PLEKHG7: variants seen among roughly 807,000 people sequenced by gnomAD.
PLEKHG7 encodes pleckstrin homology domain-containing family G member 7.
In PLEKHG7, 77 loss-of-function variants were observed where a neutral mutation model predicts 85.2. That is an observed-to-expected ratio of 0.90 (90% confidence interval 0.75 to 1.09). The LOEUF is 1.09. PLEKHG7 is among the 50% of genes least tolerant of loss of function. PLEKHG7 has a pLI of 0.00. For synonymous variants in PLEKHG7, 301 were observed against 302.4 expected (o/e 1.00, Z 0.05); for missense variants, 777 against 804.3 (o/e 0.97, Z 0.41).
At chr12:92,729,241 C>A (rs1871910996) in intron 4 of PLEKHG7, 121 bp downstream of exon 4, 2 of 1,147,578 alleles carry the variant, frequency 1.7e-6, no homozygotes, top group Non-Finnish European at 2.2e-6. Flanking sequence ...CTGTTACAAT[C>A]AGCCTCACCA....
At chr12:92,756,576 A>G (rs112902729) in intron 13 of PLEKHG7, among the ~76,000 whole-genome samples, 185 bp downstream of exon 13, 2,858 of 152,338 alleles carry the variant, frequency 0.019, 93 homozygotes, top group African/African-American at 0.064. Context: ...CAACATAACT[A>G]GCTAGGTGCT....
At chr12:92,732,181 C>A in intron 4 of PLEKHG7, 52 bp from the exon 5 acceptor site, 1 of 1,096,984 alleles carries the variant, frequency 9.1e-7, no homozygotes, top group South Asian at 4.6e-5. Flanking sequence ...GATGATCTGT[C>A]GCTAGTTACT....
chr12:92,764,960 G>A (rs1370571788), intron 15 of PLEKHG7, among the ~76,000 whole-genome samples: 1 of 152,112 alleles, frequency 6.6e-6, no homozygotes, highest in Admixed American at 6.5e-5. Flanking sequence ...GAGGCTCCTA[G>A]ACCAGCTGAG....
chr12:92,758,343 A>G (rs1027924444), intron 13 of PLEKHG7, among the ~76,000 whole-genome samples: 1 of 152,380 alleles, frequency 6.6e-6, no homozygotes, highest in Admixed American at 6.5e-5. Context: ...ATGATCGACA[A>G]AGTGGATGAA....
intron 8 of PLEKHG7, 69 bp from the exon 9 acceptor site, chr12:92,741,422 G>T (rs1872351485): frequency 2.0e-6 from 2 of 994,896 alleles, no homozygotes; most frequent in African/African-American, 3.3e-5. Flanking sequence ...GATACTTGAA[G>T]TTCAACAAAT....
At position 92,721,702 on chromosome 12, in the gene PLEKHG7, CAAAAAA is replaced by C. The variant is rs71069170; in HGVS notation, c.531-7270_531-7265del. Among the ~76,000 whole-genome samples, 79 of 43,372 alleles carry C rather than the reference CAAAAAA, an allele frequency of 1.8e-3. 1 individual carries two copies. The highest frequency in any genetic ancestry group is 5.5e-3 in the African/African-American group (71 of 12,858). 28.5% of individuals were successfully genotyped at this position (43,372 alleles called of 152,430 possible). A position where few individuals can be genotyped will look rare whatever the true frequency, so the allele number is the denominator to read the frequency against. ...GAACCAGAATAGCCAAGCATAAAACCAAAAAAAAAAAAAAAAAAAAAAAAAAGCATT... is the reference window on the plus strand; with the variant it reads ...GAACCAGAATAGCCAAGCATAAAACCAAAAAAAAAAAAAAAAAAAAGCATT... On this transcript the variant is annotated intron_variant, in intron 3 of 16. Transcript: ENST00000344636.
At chr12:92,750,026 T>TATTTC (rs1429539457) in intron 10 of PLEKHG7, among the ~76,000 whole-genome samples, 1 of 141,788 alleles carries the variant, frequency 7.1e-6, no homozygotes, top group East Asian at 2.1e-4. Flanking sequence ...TATTTTATTT[T>TATTTC]ATTATTTTAT....
At chr12:92,737,006 A>C (rs1044179160) in intron 6 of PLEKHG7, among the ~76,000 whole-genome samples, 5 of 152,174 alleles carry the variant, frequency 3.3e-5, no homozygotes, top group African/African-American at 1.2e-4. Context: ...CTGGAATCAG[A>C]CTTCCCAGTC....
At chr12:92,706,140 T>C (rs773046836) in intron 1 of PLEKHG7, among the ~76,000 whole-genome samples, 1 of 152,214 alleles carries the variant, frequency 6.6e-6, no homozygotes, top group South Asian at 2.1e-4. Context: ...ATTTAATGTA[T>C]ATTTGATTCT....
At chr12:92,731,160 A>G (rs1399905241) in intron 4 of PLEKHG7, among the ~76,000 whole-genome samples, 1 of 152,224 alleles carries the variant, frequency 6.6e-6, no homozygotes, top group Non-Finnish European at 1.5e-5. Context: ...TTGGCCAAGG[A>G]TCAGGGACCC....
intron 9 of PLEKHG7, among the ~76,000 whole-genome samples, chr12:92,742,357 T>G (rs1405124942): frequency 2.0e-5 from 3 of 152,088 alleles, no homozygotes; most frequent in Non-Finnish European, 4.4e-5. Flanking sequence ...AGATAAATGC[T>G]GGGGAAAAGG....
chr12:92,734,613 C>T (rs543857100), intron 5 of PLEKHG7, among the ~76,000 whole-genome samples: 1 of 152,312 alleles, frequency 6.6e-6, no homozygotes, highest in African/African-American at 2.4e-5. Context: ...TGTTCTACCC[C>T]TGATGTGGCC....
chr12:92,757,811 C>T (rs1872876028), intron 13 of PLEKHG7, among the ~76,000 whole-genome samples: 1 of 152,170 alleles, frequency 6.6e-6, no homozygotes, highest in African/African-American at 2.4e-5. Flanking sequence ...AGCCAGGAAA[C>T]TGCAGGCAAC....
At chr12:92,712,962 C>G (rs1325110945) in intron 3 of PLEKHG7, among the ~76,000 whole-genome samples, 1 of 152,142 alleles carries the variant, frequency 6.6e-6, no homozygotes, top group African/African-American at 2.4e-5. Context: ...AAGCCAGTGT[C>G]CAGTAGTCCC....
rs371964820 is a variant in PLEKHG7, at chr12:92,755,868, A to C, written c.1470A>C (p.Lys490Asn). The C allele has an allele frequency of 1.2e-6, 2 of 1,613,680 alleles. No homozygotes were observed. Among genetic ancestry groups the C allele is most frequent in the African/African-American group, 2.7e-5 (2 of 74,896 alleles). The change falls in exon 12 of 17, where the codon AAA (lysine) becomes AAC (asparagine). Residue 490 changes from lysine (K) to asparagine (N), a missense_variant. By Grantham distance (94) the Lys-to-Asn change is moderately conservative. Coordinates refer to ENST00000344636, the MANE Select transcript of PLEKHG7 (RefSeq NM_001377329.1). ...TGAAGTGGCTGGACAATTTCCAAAAATTTAGATATCTACAGGAGATTATAG... is the reference window on the plus strand; with the variant it reads ...TGAAGTGGCTGGACAATTTCCAAAACTTTAGATATCTACAGGAGATTATAG... ...GKVKWLDNFQ[K>N]FRYLQEIIVW...
chr12:92,712,083 A>G (rs956477899), intron 3 of PLEKHG7, among the ~76,000 whole-genome samples: 1 of 152,216 alleles, frequency 6.6e-6, no homozygotes. Context: ...TCTGAATTTT[A>G]ATCAAATTTA....
intron 10 of PLEKHG7, among the ~76,000 whole-genome samples, chr12:92,750,807 C>G (rs140789516): frequency 1.2e-3 from 184 of 152,260 alleles, no homozygotes; most frequent in African/African-American, 4.1e-3. Flanking sequence ...TCAATGAGAA[C>G]CACAGTCATT....
intron 5 of PLEKHG7, among the ~76,000 whole-genome samples, chr12:92,732,871 G>A (rs1376521158): frequency 6.6e-6 from 1 of 152,158 alleles, no homozygotes; most frequent in African/African-American, 2.4e-5. Context: ...GGGAGGGAAT[G>A]TTCATGATGA....
Position 92,716,683 on chromosome 12 carries a change from C to T in PLEKHG7, c.530+9011C>T, listed in dbSNP as rs537318966. ...ATATACACTCTCATCTTTCCAAGTACAGCCAGTACATTTCTCCCTTTTGGG... is the reference window on the plus strand; with the variant it reads ...ATATACACTCTCATCTTTCCAAGTATAGCCAGTACATTTCTCCCTTTTGGG... On this transcript the variant is annotated intron_variant, in intron 3 of 16. Transcript: ENST00000344636. Among the ~76,000 whole-genome samples the T allele has an allele frequency of 1.1e-4, 16 of 152,350 alleles. No individual in the cohort carries two copies. In the South Asian group the frequency reaches 3.3e-3, roughly 32 times the overall value.
Sources: allele counts gnomAD v4.1 joint callset (sites outside exome capture counted in the v4.1 genomes callset), GRCh38; gene constraint gnomAD v4.1.1; transcripts MANE v1.5; gene names NCBI Gene and HGNC (gene_info 2026-07-23, HGNC 2026-07-21).